Variants in ASCC3 observed in about 807,000 individuals in gnomAD.
ASCC3 encodes activating signal cointegrator 1 complex subunit 3.
ASCC3 carries 158 observed loss-of-function variants against 256.3 expected under a neutral mutation model. The ratio of observed to expected loss-of-function variants is 0.62; its 90% CI spans 0.54 to 0.70. The LOEUF (loss-of-function observed/expected upper bound fraction) is 0.70, where lower values mean the gene tolerates loss of function less well. ASCC3 is among the 30% of genes least tolerant of loss of function. ASCC3 has a pLI of 0.00. For missense variants in ASCC3, 2,259 were observed against 2,626.0 expected (o/e 0.86, Z 3.05); for synonymous variants, 948 against 883.4 (o/e 1.07, Z -1.30).
chr6:100,713,092 G>C (rs2115017382), intron 13 of ASCC3, among the ~76,000 whole-genome samples: 1 of 152,154 alleles, frequency 6.6e-6, no homozygotes. Flanking sequence ...CAAACGAGTT[G>C]ATAACTTACG....
In ASCC3 at chr6:100,583,961, A is replaced by T. The variant is rs569429380; in HGVS notation, c.5550+5673T>A. The stretch of plus-strand genomic sequence containing the variant: ...ATTGTGGTCTGAGAGATAGTTTGTT[A>T]TAATTTCTGTTGTTTTACATTTGCT... On this transcript the variant is annotated intron_variant, in intron 36 of 41. Coordinates refer to ENST00000369162, the MANE Select transcript of ASCC3 (RefSeq NM_006828.4). 6.6e-5 allele frequency among the ~76,000 whole-genome samples: 10 copies of T among 152,234 alleles called. 1 individual carries two copies. The South Asian group carries it at 2.1e-3, about 32-fold the overall frequency.
chr6:100,881,137 T>C lies in ASCC3; in HGVS notation c.-118A>G, dbSNP rs2114585663. On this transcript the variant is annotated 5_prime_UTR_variant, in exon 1 of 42. Transcript: ENST00000369162. ...CGCCTTCTTCCCTTTCGGTTTTACT[T>C]TAACTTCCCACGCCGGGTGAGGAGC... 1 of 152,478 alleles carries C rather than the reference T, an allele frequency of 6.6e-6. No individual in the cohort carries two copies. The highest frequency in any genetic ancestry group is 2.4e-5 in the African/African-American group (1 of 41,570). 9.4% of individuals were successfully genotyped at this position (152,478 alleles called of 1,614,324 possible).
chr6:100,550,196 T>C (rs1461999407), intron 36 of ASCC3, among the ~76,000 whole-genome samples: 1 of 151,996 alleles, frequency 6.6e-6, no homozygotes, highest in Non-Finnish European at 1.5e-5. Context: ...ATTTTATGTT[T>C]CTTTCTACTG....
chr6:100,638,952 T>C (rs1774979886), intron 24 of ASCC3, 131 bp from the exon 25 acceptor site: 1 of 747,834 alleles, frequency 1.3e-6, no homozygotes, highest in African/African-American at 1.7e-5. Context: ...AACTCTTATA[T>C]ACCCATTACA....
At chr6:100,702,681 AAC>A (rs758812071) in intron 13 of ASCC3, among the ~76,000 whole-genome samples, 7 of 152,278 alleles carry the variant, frequency 4.6e-5, no homozygotes, top group African/African-American at 7.2e-5. Flanking sequence ...GATAAAGAAA[AAC>A]AGAGTTTTGT....
At chr6:100,654,774 C>G (rs1482878259) in intron 17 of ASCC3, among the ~76,000 whole-genome samples, 1 of 151,932 alleles carries the variant, frequency 6.6e-6, no homozygotes, top group Non-Finnish European at 1.5e-5. Context: ...AGCCTCAGAA[C>G]TAATTGCTGC....
intron 4 of ASCC3, among the ~76,000 whole-genome samples, chr6:100,837,819 G>A (rs1325427198): frequency 6.6e-6 from 1 of 151,980 alleles, no homozygotes; most frequent in Non-Finnish European, 1.5e-5. Flanking sequence ...CCTATCTAGT[G>A]CACAGTAGGA....
At chr6:100,604,308 G>A (rs912340327) in intron 33 of ASCC3, among the ~76,000 whole-genome samples, 3 of 151,794 alleles carry the variant, frequency 2.0e-5, no homozygotes, top group Admixed American at 2.0e-4. Flanking sequence ...CCTTTTAAAA[G>A]AACCAACTTT....
chr6:100,813,532 C>A (rs705583), intron 4 of ASCC3, among the ~76,000 whole-genome samples: 80,493 of 151,612 alleles, frequency 0.53, 21,500 homozygotes, highest in East Asian at 0.72. Context: ...CCTTACAAGA[C>A]ACCTTAAAGG....
intron 25 of ASCC3, among the ~76,000 whole-genome samples, chr6:100,633,222 T>C (rs1774646008): frequency 6.6e-6 from 1 of 152,144 alleles, no homozygotes; most frequent in South Asian, 2.1e-4. Flanking sequence ...TCTCACACTG[T>C]CCCACTCAAT....
chr6:100,627,798 T>A (rs773576815), intron 28 of ASCC3, 44 bp downstream of exon 28: 1 of 1,612,128 alleles, frequency 6.2e-7, no homozygotes, highest in Admixed American at 1.7e-5. Context: ...ATCATCAAAG[T>A]AACACTACTA....
chr6:100,617,129 C>T (rs747542030), intron 30 of ASCC3, among the ~76,000 whole-genome samples: 2 of 152,020 alleles, frequency 1.3e-5, no homozygotes, highest in South Asian at 2.1e-4. Context: ...CTCAGCCTCC[C>T]GAGTAGCTGG....
Position 100,590,044 on chromosome 6 carries a change from A to C in ASCC3, c.5319T>G (p.Gly1773=), listed in dbSNP as rs771793519. 11 of 1,612,730 alleles carry C rather than the reference A, an allele frequency of 6.8e-6. No individual in the cohort carries two copies. The highest frequency in any genetic ancestry group is 7.6e-6 in the Non-Finnish European group (9 of 1,178,876). The change falls in exon 35 of 42, where the codon GGT becomes GGG. Residue 1773 remains glycine, a synonymous_variant. Transcript: ENST00000369162. The part of the protein sequence containing the change: ...LIMNPSYYNL[G]DVSHDSVNKF... ...TGTTCACAGAATCATGGCTCACATC[A>C]CCCAAATTGTAATAGCTAGAAAACA...
At chr6:100,679,545 A>C in intron 14 of ASCC3, 73 bp downstream of exon 14, 1 of 1,597,896 alleles carries the variant, frequency 6.3e-7, no homozygotes, top group East Asian at 2.2e-5. Flanking sequence ...GAGACCGTGG[A>C]TCTTTCACAT....
At chr6:100,795,406 A>G (rs1769561071) in intron 8 of ASCC3, among the ~76,000 whole-genome samples, 1 of 152,042 alleles carries the variant, frequency 6.6e-6, no homozygotes, top group Admixed American at 6.6e-5. Flanking sequence ...GGAGATAAAG[A>G]AAAAGAGACA....
intron 16 of ASCC3, among the ~76,000 whole-genome samples, chr6:100,658,337 T>C (rs182472047): frequency 1.6e-3 from 248 of 151,600 alleles, no homozygotes; most frequent in Non-Finnish European, 3.0e-3. Context: ...CATATCTAAC[T>C]TTAGTATTTA....
intron 3 of ASCC3, among the ~76,000 whole-genome samples, chr6:100,861,493 T>C (rs1282103737): frequency 6.6e-6 from 1 of 152,094 alleles, no homozygotes; most frequent in Non-Finnish European, 1.5e-5. Context: ...ACAGGGACAT[T>C]TTCCACATGA....
At chr6:100,615,663 T>A (rs1773634847) in intron 30 of ASCC3, among the ~76,000 whole-genome samples, 1 of 152,224 alleles carries the variant, frequency 6.6e-6, no homozygotes, top group African/African-American at 2.4e-5. Flanking sequence ...TTAGCAATAA[T>A]TGATACATTT....
At chr6:100,640,605 C>T (rs1273067707) in intron 24 of ASCC3, among the ~76,000 whole-genome samples, 1 of 152,006 alleles carries the variant, frequency 6.6e-6, no homozygotes, top group East Asian at 1.9e-4. Context: ...ATTAAAGCAC[C>T]AAACATTTTT....
Sources: gnomAD v4.1 joint callset for allele counts (sites outside exome capture counted in the v4.1 genomes callset) on GRCh38, gnomAD v4.1.1 for gene constraint, MANE v1.5 for transcripts, NCBI Gene and HGNC (gene_info 2026-07-23, HGNC 2026-07-21) for gene names.